PTPN12: variants seen among roughly 807,000 people sequenced by gnomAD.
The protein encoded by PTPN12 is tyrosine-protein phosphatase non-receptor type 12.
In PTPN12, 29 loss-of-function variants were observed where a neutral mutation model predicts 97.6. The observed-to-expected ratio is 0.30, with a 90% confidence interval of 0.22 to 0.41. The LOEUF is 0.41. PTPN12 is among the 10% of genes least tolerant of loss of function. The pLI, the probability that PTPN12 is intolerant of heterozygous loss-of-function variation, is 1.00. For synonymous variants in PTPN12, 327 were observed against 300.4 expected, an observed-to-expected ratio of 1.09 and a Z score of -0.91; for missense variants, 819 against 926.0, an observed-to-expected ratio of 0.88 and a Z score of 1.50.
Position 77,635,860 on chromosome 7 carries a change from T to C in PTPN12, c.2142+11T>C, listed in dbSNP as rs987376147. 3 of 1,579,932 alleles carry C rather than the reference T, an allele frequency of 1.9e-6. No individual in the cohort carries two copies. The highest frequency in any genetic ancestry group is 2.6e-6 in the Non-Finnish European group (3 of 1,157,532). ...CAAAAAAAGTCTGAAGTAAGTCCTTTTGGAATTGGAACAGTTATAGCTTAA... is the reference window on the plus strand; with the variant it reads ...CAAAAAAAGTCTGAAGTAAGTCCTTCTGGAATTGGAACAGTTATAGCTTAA... On this transcript the variant is annotated intron_variant, in intron 15 of 17. Transcript: ENST00000248594.
At position 77,627,379 on chromosome 7, in the gene PTPN12, G is replaced by A. The variant is rs777556799; in HGVS notation, c.1700G>A (p.Ser567Asn). The change falls in exon 13 of 18, where the codon AGT becomes AAT. Residue 567 changes from serine (S) to asparagine (N), a missense_variant. This residue lies in a region of PTPN12 where 607 missense variants were observed against 577.3 expected (regional missense o/e 1.05). Coordinates refer to ENST00000248594, the MANE Select transcript of PTPN12 (RefSeq NM_002835.4). ...AACTATCAAACTAGGAAAACTGTGA[G>A]TTTAACACCAAGTCCTACAACACAA... ...DINYQTRKTV[S>N]LTPSPTTQVE... is the part of the protein sequence containing the mutation. The A allele has an allele frequency of 4.3e-6, 7 of 1,613,930 alleles. No homozygotes were observed. The African/African-American group carries it at 9.3e-5, about 22-fold the overall frequency.
At chr7:77,564,746 G>GGTTTTTTTTTTTTTTTTTTTTTTTT (rs1808162192) in intron 1 of PTPN12, among the ~76,000 whole-genome samples, 1 of 45,370 alleles carries the variant, frequency 2.2e-5, no homozygotes, top group Admixed American at 3.9e-4. Flanking sequence ...TTGTTGTCGT[G>GGTTTTTTTTTTTTTTTTTTTTTTTT]TTTTTTTTTT....
At chr7:77,637,944 A>ATT (rs1421411134) in intron 16 of PTPN12, among the ~76,000 whole-genome samples, 5,630 of 89,404 alleles carry the variant, frequency 0.063, 1,354 homozygotes, top group East Asian at 0.18. Context: ...GATTTCTTAA[A>ATT]ATTTTTTTTT....
intron 14 of PTPN12, among the ~76,000 whole-genome samples, chr7:77,633,072 A>G (rs1789459219): frequency 1.3e-5 from 2 of 152,180 alleles, no homozygotes; most frequent in African/African-American, 4.8e-5. Context: ...GGAGTTCAAG[A>G]CCAGCGTGAC....
chr7:77,592,213 A>G lies in PTPN12; in HGVS notation c.449A>G (p.Tyr150Cys). The change falls in exon 6 of 18, where the codon TAT becomes TGT. Residue 150 changes from tyrosine (Y) to cysteine (C), a missense_variant. Around this residue, in one of 5 missense-constraint regions of PTPN12, gnomAD observed 45 missense variants for 52.0 expected, o/e 0.87. Coordinates refer to ENST00000248594, the MANE Select transcript of PTPN12 (RefSeq NM_002835.4). ...RKKCERYWPLYGEDPITFAPF... is the reference protein window; with the variant it reads ...RKKCERYWPLCGEDPITFAPF... ...AAATGTGAGCGCTATTGGCCTTTGT[A>G]TGGAGAAGACCCCATAACGTTTGCA... 1 of 1,606,222 alleles carries G rather than the reference A, an allele frequency of 6.2e-7. No homozygotes were observed. The highest frequency in any genetic ancestry group is 8.5e-7 in the Non-Finnish European group (1 of 1,178,062).
rs181170835 is a variant in PTPN12, at chr7:77,610,638, T to G, written c.763-127T>G. 275 of 961,726 alleles carry G rather than the reference T, an allele frequency of 2.9e-4. 2 individuals carry two copies. The African/African-American group carries it at 4.2e-3, about 15-fold the overall frequency. 59.6% of individuals were successfully genotyped at this position (961,726 alleles called of 1,614,324 possible). On this transcript the variant is annotated intron_variant, in intron 9 of 17. Transcript: ENST00000248594. ...GCCAAGCACAGTGTCTGAGATGCAT[T>G]AAGTGGTGTTCAATAAATGTTTGCA...
At chr7:77,571,285 T>A in intron 2 of PTPN12, 99 bp downstream of exon 2, 1 of 689,286 alleles carries the variant, frequency 1.5e-6, no homozygotes, top group Non-Finnish European at 2.4e-6. Context: ...GTTAAGGAAG[T>A]AGTAATTAAC....
chr7:77,631,556 C>T (rs909615126), intron 13 of PTPN12, among the ~76,000 whole-genome samples: 3 of 152,120 alleles, frequency 2.0e-5, no homozygotes, highest in Admixed American at 6.6e-5. Flanking sequence ...CTTTCTATTC[C>T]TCCAGTGAAA....
At chr7:77,616,173 A>T (rs954830571) in intron 11 of PTPN12, among the ~76,000 whole-genome samples, 1 of 151,802 alleles carries the variant, frequency 6.6e-6, no homozygotes, top group South Asian at 2.1e-4. Flanking sequence ...CCTTCTTCCA[A>T]TCCTCATTCA....
intron 13 of PTPN12, among the ~76,000 whole-genome samples, chr7:77,628,971 CAG>C (rs1789300027): frequency 6.6e-6 from 1 of 152,082 alleles, no homozygotes; most frequent in Non-Finnish European, 1.5e-5. Context: ...CTTTTTGAGA[CAG>C]AGTTTTGCTC....
chr7:77,554,042 T>C (rs1022636096), intron 1 of PTPN12, among the ~76,000 whole-genome samples: 6 of 152,224 alleles, frequency 3.9e-5, no homozygotes, highest in South Asian at 2.1e-4. Context: ...CATAGCTCAC[T>C]GTAACCTCAA....
chr7:77,581,197 C>T (rs1053797436), intron 2 of PTPN12, among the ~76,000 whole-genome samples: 3 of 152,144 alleles, frequency 2.0e-5, no homozygotes, highest in Admixed American at 1.3e-4. Context: ...CTGCCACAGC[C>T]TCCCGAGTAG....
intron 6 of PTPN12, among the ~76,000 whole-genome samples, chr7:77,592,789 T>A (rs1787907533): frequency 6.6e-6 from 1 of 151,782 alleles, no homozygotes; most frequent in South Asian, 2.1e-4. Flanking sequence ...ATGAATTAAA[T>A]TCAAGCTCAA....
At chr7:77,585,042 T>C (rs1478904243) in intron 4 of PTPN12, 1 of 152,258 alleles carries the variant, frequency 6.6e-6, no homozygotes, top group African/African-American at 2.4e-5. Flanking sequence ...ATGTTAATGA[T>C]AGAATATAGG....
At chr7:77,635,293 G>T (rs1156798537) in intron 14 of PTPN12, among the ~76,000 whole-genome samples, 1 of 152,156 alleles carries the variant, frequency 6.6e-6, no homozygotes, top group African/African-American at 2.4e-5. Flanking sequence ...GCCAGGCGAG[G>T]TGGCATGCAC....
At chr7:77,552,562 C>A (rs1807527381) in intron 1 of PTPN12, among the ~76,000 whole-genome samples, 1 of 151,936 alleles carries the variant, frequency 6.6e-6, no homozygotes, top group Non-Finnish European at 1.5e-5. Flanking sequence ...ATTATTTTGC[C>A]TTTAAAACAG....
intron 17 of PTPN12, 117 bp from the exon 18 acceptor site, chr7:77,639,101 TA>T: frequency 1.2e-6 from 1 of 840,940 alleles, no homozygotes; most frequent in Non-Finnish European, 1.8e-6. Context: ...GCTTAAATTC[TA>T]AATTCCCTTG....
chr7:77,538,173 C>A, intron 1 of PTPN12: 1 of 889,354 alleles, frequency 1.1e-6, no homozygotes, highest in Non-Finnish European at 1.3e-6. Context: ...AGGACTTAGG[C>A]CGTTTCTGGG....
Position 77,597,867 on chromosome 7 carries a change from A to G in PTPN12, c.518A>G (p.Tyr173Cys). The G allele has an allele frequency of 6.2e-7, 1 of 1,612,386 alleles. No homozygotes were observed. Among genetic ancestry groups the G allele is most frequent in the Non-Finnish European group, 8.5e-7 (1 of 1,179,344 alleles). Residue 173 changes from tyrosine to cysteine, a missense_variant, in exon 7 of 18, where the codon TAC becomes TGC. Physicochemically the swap from Tyr to Cys is radical, Grantham distance 194 (BLOSUM62 -2). Around this residue, in one of 5 missense-constraint regions of PTPN12, gnomAD observed 45 missense variants for 52.0 expected, o/e 0.87. Coordinates refer to ENST00000248594, the MANE Select transcript of PTPN12 (RefSeq NM_002835.4). ...SCEDEQARTDYFIRTLLLEFQ... is the reference protein window; with the variant it reads ...SCEDEQARTDCFIRTLLLEFQ... ...GAGGATGAACAAGCAAGAACAGACT[A>G]CTTCATCAGGACACTCTTACTTGAA...
Sources: gnomAD v4.1 joint callset for allele counts (sites outside exome capture counted in the v4.1 genomes callset) on GRCh38, gnomAD v4.1.1 for gene constraint, gnomAD v4.1.1 regional missense constraint, MANE v1.5 for transcripts, NCBI Gene and HGNC (gene_info 2026-07-23, HGNC 2026-07-21) for gene names.